Variants in ADH1B observed in about 807,000 individuals in gnomAD.
ADH1B encodes alcohol dehydrogenase 1B (class I), beta polypeptide.
Under a neutral mutation model 34.6 loss-of-function variants are expected in ADH1B, and 29 were observed. That is an observed-to-expected ratio of 0.84 (90% CI 0.62 to 1.14). The LOEUF (loss-of-function observed/expected upper bound fraction) is 1.14. Ranked by LOEUF, ADH1B falls within the 50% of genes most tolerant of loss-of-function variation. The pLI, the probability that ADH1B is intolerant of heterozygous loss-of-function variation, is 0.00. For synonymous variants in ADH1B, 170 were observed against 175.5 expected, an observed-to-expected ratio of 0.97 and a Z score of 0.25; for missense variants, 424 against 468.4, an observed-to-expected ratio of 0.91 and a Z score of 0.87.
chr4:99,311,561 C>G lies in ADH1B; in HGVS notation c.924G>C (p.Leu308=). 1.2e-6 allele frequency: 2 copies of G among 1,613,984 alleles called. No individual in the cohort carries two copies. Among genetic ancestry groups the G allele is most frequent in the Non-Finnish European group, 1.7e-6 (2 of 1,179,938 alleles). ...ASQNLSINPM[L]LLTGRTWKGA... The stretch of plus-strand genomic sequence containing the variant: ...CCTTCCAGGTGCGTCCAGTCAGTAG[C>G]AGCATAGGGTTTATTGAGAGGTTCT... The change falls in exon 7 of 9, where the codon CTG becomes CTC. Residue 308 remains leucine (L), a synonymous_variant. Transcript: ENST00000305046.
At chr4:99,309,761 G>A (rs1733703061) in intron 8 of ADH1B, among the ~76,000 whole-genome samples, 1 of 152,072 alleles carries the variant, frequency 6.6e-6, no homozygotes, top group African/African-American at 2.4e-5. Context: ...GCAAAGTCAT[G>A]TCTTCTCCGA....
At chr4:99,318,305 A>G (rs1310110901) in intron 2 of ADH1B, 121 bp from the exon 3 acceptor site, 2 of 1,282,610 alleles carry the variant, frequency 1.6e-6, no homozygotes, top group African/African-American at 1.5e-5. Context: ...ACTAATCCCT[A>G]CTATTCCTAA....
intron 3 of ADH1B, chr4:99,317,444 A>T (rs902208804): frequency 6.6e-6 from 1 of 152,188 alleles, no homozygotes; most frequent in Admixed American, 6.5e-5. Context: ...CAAGGCAGAC[A>T]TTGTTGATGG....
intron 8 of ADH1B, among the ~76,000 whole-genome samples, chr4:99,308,917 T>C (rs1341008824): frequency 1.3e-5 from 2 of 151,992 alleles, no homozygotes; most frequent in Admixed American, 6.6e-5. Flanking sequence ...TGTATACATA[T>C]GTAACTAACC....
chr4:99,311,696 C>G, intron 6 of ADH1B, 40 bp from the exon 7 acceptor site: 1 of 1,608,302 alleles, frequency 6.2e-7, no homozygotes, highest in South Asian at 1.1e-5. Context: ...AACGTGGAGT[C>G]GCATAGTTCC....
chr4:99,311,029 A>T, intron 7 of ADH1B, 126 bp from the exon 8 acceptor site: 1 of 1,145,538 alleles, frequency 8.7e-7, no homozygotes, highest in South Asian at 1.4e-5. Flanking sequence ...ACTGAGGATA[A>T]GAAGAGATAC....
chr4:99,313,024 T>C (rs2110632899), intron 6 of ADH1B, among the ~76,000 whole-genome samples: 1 of 150,408 alleles, frequency 6.6e-6, no homozygotes, highest in South Asian at 2.1e-4. Flanking sequence ...TTCTTTTTTT[T>C]CTTTTTTCTT....
rs1733567413 is a variant in ADH1B at position 99,305,090 on chromosome 4, C to G, written c.*2750G>C. 6.6e-6 allele frequency: 1 copy of G among 151,444 alleles called. No homozygotes were observed. The highest frequency in any genetic ancestry group is 2.1e-4 in the South Asian group (1 of 4,794). The allele number at this position is 151,444 out of a possible 1,614,324, so 9.4% of individuals were successfully genotyped here. ...AATTTCCATCATTGTTCATTTTCCT[C>G]TTTGGTTGTCTATTTTTAAATGAAA... On this transcript the variant is annotated 3_prime_UTR_variant, in exon 9 of 9. Transcript: ENST00000305046.
At chr4:99,311,711 C>A in intron 6 of ADH1B, 55 bp from the exon 7 acceptor site, 1 of 1,597,150 alleles carries the variant, frequency 6.3e-7, no homozygotes, top group South Asian at 1.1e-5. Context: ...AGTTCCTACT[C>A]ATAATGCACA....
intron 6 of ADH1B, among the ~76,000 whole-genome samples, chr4:99,312,799 G>T (rs1425703268): frequency 6.6e-6 from 1 of 151,984 alleles, no homozygotes; most frequent in African/African-American, 2.4e-5. Context: ...GCTGCAGCGA[G>T]TTATAATTAT....
Position 99,318,848 on chromosome 4 carries a change from C to G in ADH1B, c.57G>C (p.Lys19Asn). 6.2e-7 allele frequency: 1 copy of G among 1,613,952 alleles called. No homozygotes were observed. Among genetic ancestry groups the G allele is most frequent in the Non-Finnish European group, 8.5e-7 (1 of 1,179,898 alleles). Residue 19 changes from lysine (K) to asparagine (N), a missense_variant, in exon 2 of 9, where the codon AAG becomes AAC. Around this residue, in one of 3 missense-constraint regions of ADH1B, gnomAD observed 291 missense variants for 300.4 expected, o/e 0.97. Transcript: ENST00000305046. The part of the protein sequence containing the change: ...KCKAAVLWEV[K>N]KPFSIEDVEV... ...CCACATCCTCAATGGAAAAGGGTTTCTTTACCTCCCATAGCACAGCTGCTT... is the reference window on the plus strand; with the variant it reads ...CCACATCCTCAATGGAAAAGGGTTTGTTTACCTCCCATAGCACAGCTGCTT...
At position 99,306,697 on chromosome 4, in the gene ADH1B, G is replaced by A. The variant is rs1163213073; in HGVS notation, c.*1143C>T. The A allele has an allele frequency of 6.6e-6, 1 of 152,046 alleles. No homozygotes were observed. The highest frequency in any genetic ancestry group is 6.6e-5 in the Admixed American group (1 of 15,260). The allele number at this position is 152,046 out of a possible 1,614,324, so 9.4% of individuals were successfully genotyped here. On this transcript the variant is annotated 3_prime_UTR_variant, in exon 9 of 9. Transcript: ENST00000305046. ...GGAAAGCATTAACAAATGAGAGTGG[G>A]AAAAGCATTAACAAAGCATTAACAC...
At chr4:99,315,084 A>C (rs1733845765) in intron 5 of ADH1B, 1 of 152,230 alleles carries the variant, frequency 6.6e-6, no homozygotes, top group Admixed American at 6.5e-5. Flanking sequence ...TAAAAACACT[A>C]ATAATTATGT....
chr4:99,315,978 C>T lies in ADH1B; in HGVS notation c.487G>A (p.Ala163Thr), dbSNP rs1733873457. 5.6e-6 allele frequency: 9 copies of T among 1,614,088 alleles called. No individual in the cohort carries two copies. The highest frequency in any genetic ancestry group is 1.3e-5 in the African/African-American group (1 of 74,926). The change falls in exon 5 of 9, where the codon GCA becomes ACA. Residue 163 changes from alanine (A) to threonine (T), a missense_variant. By Grantham distance (58) the Ala-to-Thr change is moderately conservative. Coordinates refer to ENST00000305046, the MANE Select transcript of ADH1B (RefSeq NM_000668.6). ...CAGACTTTCTCCAGGGGCGAGGCTG[C>T]ATCAATTTTGGCCACTGCATTCTCA... ...VDENAVAKID[A>T]ASPLEKVCLI...
In ADH1B at chr4:99,305,188, AT is replaced by A. The variant is rs560233330; in HGVS notation, c.*2651del. Reference sequence around the variant, plus strand: ...GACCCAAATCAATATGACCAAAAAAATGAAAACATTTTTTCCTTATCTATAT... The same window carrying A: ...GACCCAAATCAATATGACCAAAAAAAGAAAACATTTTTTCCTTATCTATAT... On this transcript the variant is annotated 3_prime_UTR_variant, in exon 9 of 9. Transcript: ENST00000305046. 143 of 152,142 alleles carry A rather than the reference AT, an allele frequency of 9.4e-4. No individual in the cohort carries two copies. The highest frequency in any genetic ancestry group is 3.2e-3 in the African/African-American group (133 of 41,514). The allele number at this position is 152,142 out of a possible 1,614,324, so 9.4% of individuals were successfully genotyped here.
rs1183413755 is a variant in ADH1B, at chr4:99,318,085, C to T, written c.220G>A (p.Val74Met). 20 of 1,613,988 alleles carry T rather than the reference C, an allele frequency of 1.2e-5. No individual in the cohort carries two copies. Among genetic ancestry groups the T allele is most frequent in the East Asian group, 2.2e-5 (1 of 44,888 alleles). The part of the protein sequence containing the change: ...VILGHEAAGI[V>M]ESVGEGVTTV... ...GTCACCCCTTCTCCAACACTCTCCA[C>T]GATGCCGGCTGCCTCATGGCCTAAA... The change falls in exon 3 of 9, where the codon GTG (valine) becomes ATG (methionine). Residue 74 changes from valine to methionine, a missense_variant. This residue lies in a region of ADH1B where 291 missense variants were observed against 300.4 expected (regional missense o/e 0.97). Transcript: ENST00000305046.
rs1471893881 is a variant in ADH1B, at chr4:99,306,713, G to A, written c.*1127C>T. 2 of 152,148 alleles carry A rather than the reference G, an allele frequency of 1.3e-5. No homozygotes were observed. The highest frequency in any genetic ancestry group is 6.5e-5 in the Admixed American group (1 of 15,270). 9.4% of individuals were successfully genotyped at this position (152,148 alleles called of 1,614,324 possible). ...TGAGAGTGGGAAAAGCATTAACAAA[G>A]CATTAACACAGGTCTTTACATATTC... is the stretch of plus-strand genomic sequence containing the variant. On this transcript the variant is annotated 3_prime_UTR_variant, in exon 9 of 9. Transcript: ENST00000305046.
chr4:99,313,626 G>A, intron 6 of ADH1B, 195 bp downstream of exon 6: 1 of 988,830 alleles, frequency 1.0e-6, no homozygotes, highest in South Asian at 1.8e-5. Context: ...AATATGACTT[G>A]AGACAGGTTT....
At position 99,316,242 on chromosome 4, in the gene ADH1B, G is replaced by A. The variant is rs148622183; in HGVS notation, c.320C>T (p.Pro107Leu). The A allele has an allele frequency of 2.4e-5, 38 of 1,614,070 alleles. No individual in the cohort carries two copies. The Middle Eastern group carries it at 6.6e-4, about 28-fold the overall frequency. ...QCGKCRVCKN[P>L]ESNYCLKNDL... ...ATTTTTCAAGCAGTAGTTGCTCTCC[G>A]GGTTTTTACAAACTCTGCATTTTCC... is the stretch of plus-strand genomic sequence containing the variant. The change falls in exon 4 of 9, where the codon CCG (proline) becomes CTG (leucine). Residue 107 changes from proline to leucine, a missense_variant. Physicochemically the swap from Pro to Leu is moderately conservative, Grantham distance 98. Around this residue, in one of 3 missense-constraint regions of ADH1B, gnomAD observed 291 missense variants for 300.4 expected, o/e 0.97. Transcript: ENST00000305046.
Sources: gnomAD v4.1 joint callset for allele counts (sites outside exome capture counted in the v4.1 genomes callset) on GRCh38, gnomAD v4.1.1 for gene constraint, gnomAD v4.1.1 regional missense constraint, MANE v1.5 for transcripts, NCBI Gene and HGNC (gene_info 2026-07-23, HGNC 2026-07-21) for gene names.